SNTB1: variants seen among roughly 807,000 people sequenced by gnomAD.
SNTB1 encodes beta-1-syntrophin.
Under a neutral mutation model 48.9 loss-of-function variants are expected in SNTB1, and 36 were observed. The ratio of observed to expected loss-of-function variants is 0.74; its 90% CI spans 0.56 to 0.97. The LOEUF (loss-of-function observed/expected upper bound fraction) is 0.97. Among genes scored for constraint, SNTB1 ranks in the 50% least tolerant of loss-of-function variants. The pLI, the probability that SNTB1 is intolerant of heterozygous loss-of-function variation, is 0.00. For missense variants in SNTB1, 786 were observed against 703.4 expected (o/e 1.12, Z -1.33); for synonymous variants, 299 against 294.6 (o/e 1.01, Z -0.15).
intron 1 of SNTB1, among the ~76,000 whole-genome samples, chr8:120,785,338 G>T (rs575996838): frequency 4.6e-5 from 7 of 152,276 alleles, no homozygotes; most frequent in Non-Finnish European, 7.4e-5. Flanking sequence ...TATGGCCCGG[G>T]GCAGTTTTGG....
intron 1 of SNTB1, among the ~76,000 whole-genome samples, chr8:120,749,507 T>G (rs1819177644): frequency 6.6e-6 from 1 of 152,180 alleles, no homozygotes; most frequent in Non-Finnish European, 1.5e-5. Context: ...ACAGCCTCTC[T>G]ATGTATCTAC....
intron 3 of SNTB1, among the ~76,000 whole-genome samples, chr8:120,630,840 T>C (rs564899926): frequency 2.6e-5 from 4 of 152,202 alleles, no homozygotes; most frequent in South Asian, 2.1e-4. Flanking sequence ...ATTGAAACAA[T>C]TGGGGCAAAG....
intron 3 of SNTB1, among the ~76,000 whole-genome samples, chr8:120,607,945 A>C (rs1345679942): frequency 6.6e-6 from 1 of 152,234 alleles, no homozygotes; most frequent in Non-Finnish European, 1.5e-5. Flanking sequence ...TGTCATTTGG[A>C]TAGGATAAAA....
At chr8:120,650,718 C>T (rs922309084) in intron 2 of SNTB1, among the ~76,000 whole-genome samples, 1 of 152,138 alleles carries the variant, frequency 6.6e-6, no homozygotes, top group Non-Finnish European at 1.5e-5. Flanking sequence ...GTTATTTGAC[C>T]TCATTTTACC....
intron 1 of SNTB1, among the ~76,000 whole-genome samples, chr8:120,728,290 G>A (rs560681225): frequency 1.8e-4 from 27 of 152,206 alleles, no homozygotes; most frequent in Admixed American, 7.2e-4. Flanking sequence ...CACTGTGTCC[G>A]GCTGTGAAGT....
intron 1 of SNTB1, among the ~76,000 whole-genome samples, chr8:120,775,729 AGG>A (rs879781491): frequency 6.7e-6 from 1 of 148,942 alleles, no homozygotes; most frequent in Non-Finnish European, 1.5e-5. Context: ...GAAGGAAGGA[AGG>A]AAGGAAGGAA....
At position 120,807,566 on chromosome 8, in the gene SNTB1, G is replaced by C. The variant is rs114834442; in HGVS notation, c.571+3707C>G. On this transcript the variant is annotated intron_variant, in intron 1 of 6. Transcript: ENST00000517992. ...ACGATATAAGTTTGGATTACATTTA[G>C]TCTCCTTGCTGGCCATGTGTTTAAC... Among the ~76,000 whole-genome samples, 1,476 of 152,362 alleles carry C rather than the reference G, an allele frequency of 9.7e-3. 27 individuals are homozygous for C. Among genetic ancestry groups the C allele is most frequent in the African/African-American group, 0.033 (1,393 of 41,588 alleles).
intron 1 of SNTB1, among the ~76,000 whole-genome samples, chr8:120,716,141 G>A (rs1010177747): frequency 2.6e-5 from 4 of 152,064 alleles, no homozygotes; most frequent in African/African-American, 9.7e-5. Flanking sequence ...GCCCATAGTT[G>A]GTAGTCAATA....
At chr8:120,718,504 T>C (rs745855493) in intron 1 of SNTB1, among the ~76,000 whole-genome samples, 2 of 152,256 alleles carry the variant, frequency 1.3e-5, no homozygotes, top group Non-Finnish European at 2.9e-5. Context: ...AAATATATTT[T>C]ATTACATGTT....
At chr8:120,727,588 G>A (rs563220821) in intron 1 of SNTB1, among the ~76,000 whole-genome samples, 1 of 152,256 alleles carries the variant, frequency 6.6e-6, no homozygotes, top group African/African-American at 2.4e-5. Flanking sequence ...TCAGAGAAGA[G>A]GAAAACTACC....
At chr8:120,655,517 C>A (rs1223672517) in intron 2 of SNTB1, among the ~76,000 whole-genome samples, 2 of 152,114 alleles carry the variant, frequency 1.3e-5, no homozygotes, top group Admixed American at 6.5e-5. Context: ...GTGGGGTAGC[C>A]CATCCTGCCT....
intron 2 of SNTB1, among the ~76,000 whole-genome samples, chr8:120,670,561 T>C (rs1817742806): frequency 6.6e-6 from 1 of 152,204 alleles, no homozygotes; most frequent in Non-Finnish European, 1.5e-5. Context: ...GCAGAAGATG[T>C]CACTAAGGTG....
At chr8:120,654,039 CAAAAAAAAAA>C (rs58873007) in intron 2 of SNTB1, among the ~76,000 whole-genome samples, 706 of 25,182 alleles carry the variant, frequency 0.028, 9 homozygotes, top group African/African-American at 0.1. Flanking sequence ...GACTCTGCCT[CAAAAAAAAAA>C]AAAAAAAAAA....
At chr8:120,699,039 CT>C (rs1398902197) in intron 1 of SNTB1, among the ~76,000 whole-genome samples, 1 of 152,136 alleles carries the variant, frequency 6.6e-6, no homozygotes, top group African/African-American at 2.4e-5. Context: ...AAAAGGGCTG[CT>C]AGGGCAGCTC....
chr8:120,766,684 A>G (rs1196506353), intron 1 of SNTB1, among the ~76,000 whole-genome samples: 1 of 152,216 alleles, frequency 6.6e-6, no homozygotes, highest in African/African-American at 2.4e-5. Context: ...CCTACAAAAT[A>G]CTGTATAGCG....
At chr8:120,748,672 A>T (rs2130026098) in intron 1 of SNTB1, among the ~76,000 whole-genome samples, 1 of 152,334 alleles carries the variant, frequency 6.6e-6, no homozygotes, top group Non-Finnish European at 1.5e-5. Flanking sequence ...AAAAATGGAA[A>T]TTTCTTCTAG....
chr8:120,643,816 T>C (rs1817236166), intron 2 of SNTB1, among the ~76,000 whole-genome samples: 1 of 152,236 alleles, frequency 6.6e-6, no homozygotes, highest in Admixed American at 6.5e-5. Context: ...GTAGTTCTAC[T>C]TATAGTTCTT....
chr8:120,551,908 C>A (rs1031564916), intron 4 of SNTB1, among the ~76,000 whole-genome samples: 2 of 152,020 alleles, frequency 1.3e-5, no homozygotes, highest in Non-Finnish European at 2.9e-5. Flanking sequence ...GTAAAATATA[C>A]AGAGCACTTT....
rs74597466 is a variant in SNTB1, at chr8:120,589,070, C to G, written c.997-13845G>C. 3.4e-3 allele frequency among the ~76,000 whole-genome samples: 515 copies of G among 152,246 alleles called. 2 individuals are homozygous for G. Among genetic ancestry groups the G allele is most frequent in the South Asian group, 0.012 (59 of 4,822 alleles). On this transcript the variant is annotated intron_variant, in intron 3 of 6. Transcript: ENST00000517992. ...ATTTGCTATAAATAGATTCTTGAAT[C>G]CCTGATTCACTGAATCCTGGTATCC...
Sources: gnomAD v4.1 joint callset for allele counts (sites outside exome capture counted in the v4.1 genomes callset) on GRCh38, gnomAD v4.1.1 for gene constraint, MANE v1.5 for transcripts, NCBI Gene and HGNC (gene_info 2026-07-23, HGNC 2026-07-21) for gene names.